KLRG2: variants seen among roughly 807,000 people sequenced by gnomAD.
The protein encoded by KLRG2 is killer cell lectin-like receptor subfamily G member 2.
Under a neutral mutation model 35.4 loss-of-function variants are expected in KLRG2, and 39 were observed. That is an observed-to-expected ratio of 1.10 (90% CI 0.85 to 1.44). The LOEUF (loss-of-function observed/expected upper bound fraction) is 1.44, where lower values mean the gene tolerates loss of function less well. Among genes scored for constraint, KLRG2 ranks in the 40% most tolerant of loss-of-function variants. The pLI is 0.00. For missense variants in KLRG2, 632 were observed against 570.9 expected, an observed-to-expected ratio of 1.11 and a Z score of -1.09; for synonymous variants, 283 against 265.8, an observed-to-expected ratio of 1.06 and a Z score of -0.63.
rs1443111843 is a variant in KLRG2 at position 139,454,125 on chromosome 7, TGGGGCCTCGTCGATCCAGTGCCAGCCCTG to T, written c.1066_1094del (p.Gln356ThrfsTer8). ...TGGTCACTCACAGCTGGGGCGGGAG[TGGGGCCTCGTCGATCCAGTGCCAGCCCTG>T]GGGGCCTCGCCAGGCCCCCACCCAG... On this transcript the variant is annotated frameshift_variant, in exon 4 of 5. Coordinates refer to ENST00000340940, the MANE Select transcript of KLRG2 (RefSeq NM_198508.4). LOFTEE classifies it low-confidence loss of function (END_TRUNC). 1.3e-6 allele frequency: 2 copies of T among 1,534,334 alleles called. No individual in the cohort carries two copies. Among genetic ancestry groups the T allele is most frequent in the South Asian group, 1.2e-5 (1 of 83,636 alleles).
At chr7:139,466,740 T>TAAAA (rs1554404143) in intron 3 of KLRG2, among the ~76,000 whole-genome samples, 1 of 138,482 alleles carries the variant, frequency 7.2e-6, no homozygotes, top group African/African-American at 2.7e-5. Context: ...CTGCTAAAAA[T>TAAAA]AAAATAAAAA....
the KLRG2 span, among the ~76,000 whole-genome samples, chr7:139,440,356 C>T: frequency 1.4e-5 from 2 of 148,112 alleles, no homozygotes; most frequent in East Asian, 3.9e-4. Flanking sequence ...CTGTGAGCCT[C>T]CCACCTCAGC....
intron 3 of KLRG2, among the ~76,000 whole-genome samples, chr7:139,456,708 A>G (rs1306764354): frequency 6.6e-6 from 1 of 152,110 alleles, no homozygotes; most frequent in African/African-American, 2.4e-5. Flanking sequence ...GCTGGCCTTG[A>G]ACCTCTGGGC....
chr7:139,450,446 A>C (rs576692170), downstream of KLRG2, among the ~76,000 whole-genome samples: 8 of 152,058 alleles, frequency 5.3e-5, 1 homozygote, highest in African/African-American at 1.9e-4. Context: ...GCTGGTCTCG[A>C]ACTCTTGACC....
the KLRG2 span, among the ~76,000 whole-genome samples, chr7:139,446,085 C>T: frequency 0.037 from 5,663 of 152,046 alleles, 183 homozygotes; most frequent in African/African-American, 0.095. Context: ...TCAGGTGATC[C>T]GCCCGCCTCG....
chr7:139,482,550 G>A lies in KLRG2; in HGVS notation c.757+336C>T, dbSNP rs1796978804. On this transcript the variant is annotated intron_variant, in intron 1 of 4. Transcript: ENST00000340940. ...TGGGATTACAGGTGAATGCCACCAT[G>A]CCAGGCTAATTTTTGTATTTTTAGT... Among the ~76,000 whole-genome samples the A allele has an allele frequency of 2.0e-5, 3 of 152,186 alleles. No individual in the cohort carries two copies. In the South Asian group the frequency reaches 6.2e-4, roughly 32 times the overall value.
chr7:139,462,678 C>T (rs1036398856), intron 3 of KLRG2, among the ~76,000 whole-genome samples: 1 of 152,172 alleles, frequency 6.6e-6, no homozygotes, highest in South Asian at 2.1e-4. Flanking sequence ...ACGGCACTTT[C>T]GATTTCTCCA....
At chr7:139,471,754 C>T (rs897730337) in intron 3 of KLRG2, among the ~76,000 whole-genome samples, 6 of 152,172 alleles carry the variant, frequency 3.9e-5, no homozygotes, top group African/African-American at 1.2e-4. Context: ...GGGCAAGAGA[C>T]GTCAGGCACT....
At chr7:139,429,730 G>T in the KLRG2 span, among the ~76,000 whole-genome samples, 7 of 152,314 alleles carry the variant, frequency 4.6e-5, no homozygotes, top group South Asian at 2.1e-4. Flanking sequence ...CAGAAGAATT[G>T]TTCTTAGTAC....
At chr7:139,460,994 GC>G (rs1796559275) in intron 3 of KLRG2, among the ~76,000 whole-genome samples, 1 of 151,864 alleles carries the variant, frequency 6.6e-6, no homozygotes, top group Non-Finnish European at 1.5e-5. Context: ...GGGCGAGGGG[GC>G]TCACGCCTTT....
At chr7:139,450,437 C>A (rs142718309), downstream of KLRG2, among the ~76,000 whole-genome samples, 1,367 of 151,722 alleles carry the variant, frequency 9.0e-3, 7 homozygotes, top group African/African-American at 0.02. Context: ...GTTAGCCAGG[C>A]TGGTCTCGAA....
At chr7:139,471,266 T>A (rs1796750131) in intron 3 of KLRG2, among the ~76,000 whole-genome samples, 1 of 152,120 alleles carries the variant, frequency 6.6e-6, no homozygotes, top group South Asian at 2.1e-4. Context: ...AAATTTATTT[T>A]CTTTCTAAAT....
Position 139,482,969 on chromosome 7 carries a change from C to T in KLRG2, c.674G>A (p.Gly225Glu). ...CAGCGCCGCATCCTCCTTCTCCAGCCCCAGCTCCTTGCAGCGGCAGCACGT... is the reference window on the plus strand; with the variant it reads ...CAGCGCCGCATCCTCCTTCTCCAGCTCCAGCTCCTTGCAGCGGCAGCACGT... ...SPTCCRCKEL[G>E]LEKEDAALLP... Residue 225 changes from glycine to glutamate, a missense_variant, in exon 1 of 5, where the codon GGG becomes GAG. Gly to Glu is a moderately conservative substitution (Grantham distance 98). Transcript: ENST00000340940. The T allele has an allele frequency of 7.0e-7, 1 of 1,438,482 alleles. No individual in the cohort carries two copies. The allele number at this position is 1,438,482 out of a possible 1,614,324, so 89.1% of individuals were successfully genotyped here. A position where few individuals can be genotyped will look rare whatever the true frequency, so the allele number is the denominator to read the frequency against.
the KLRG2 span, among the ~76,000 whole-genome samples, chr7:139,427,204 G>T: frequency 6.6e-6 from 1 of 152,212 alleles, no homozygotes; most frequent in Non-Finnish European, 1.5e-5. Flanking sequence ...GCAGGCAGGG[G>T]TCTGTCAGCA....
Position 139,452,793 on chromosome 7 carries a change from G to T in KLRG2, c.*794C>A, listed in dbSNP as rs550257962. 6.6e-6 allele frequency: 1 copy of T among 152,464 alleles called. No homozygotes were observed. Among genetic ancestry groups the T allele is most frequent in the South Asian group, 2.1e-4 (1 of 4,828 alleles). The allele number at this position is 152,464 out of a possible 1,614,324, so 9.4% of individuals were successfully genotyped here. A position where few individuals can be genotyped will look rare whatever the true frequency, so the allele number is the denominator to read the frequency against. On this transcript the variant is annotated 3_prime_UTR_variant, in exon 5 of 5. Coordinates refer to ENST00000340940, the MANE Select transcript of KLRG2 (RefSeq NM_198508.4). The stretch of plus-strand genomic sequence containing the variant: ...TTGGTCGTCTCTGCAGCTGTGGGTA[G>T]AAGAGCTGCCTGGAACGTGCCTGCA...
the KLRG2 span, among the ~76,000 whole-genome samples, chr7:139,443,193 C>T: frequency 6.8e-6 from 1 of 146,526 alleles, no homozygotes; most frequent in South Asian, 2.1e-4. Flanking sequence ...CTCCCAGGTT[C>T]AAGGGATTCT....
intron 3 of KLRG2, among the ~76,000 whole-genome samples, chr7:139,467,711 G>T (rs1447492700): frequency 6.6e-6 from 1 of 150,990 alleles, no homozygotes; most frequent in Admixed American, 6.6e-5. Flanking sequence ...AAGGCCGCAG[G>T]TTCCTCTGCC....
intron 3 of KLRG2, among the ~76,000 whole-genome samples, chr7:139,466,763 G>C (rs112194079): frequency 4.8e-5 from 5 of 103,980 alleles, no homozygotes; most frequent in Admixed American, 8.4e-5. Flanking sequence ...ATAAAAAAAG[G>C]GGGGGGTACT....
At chr7:139,454,050 T>A in intron 4 of KLRG2, 61 bp downstream of exon 4, 17 of 1,037,036 alleles carry the variant, frequency 1.6e-5, no homozygotes, top group Non-Finnish European at 2.3e-5. Context: ...GGAGGTGGAG[T>A]CTGGGGAGAA....
Sources: gnomAD v4.1 joint callset for allele counts (sites outside exome capture counted in the v4.1 genomes callset) on GRCh38, gnomAD v4.1.1 for gene constraint, MANE v1.5 for transcripts, NCBI Gene and HGNC (gene_info 2026-07-23, HGNC 2026-07-21) for gene names.